KIF20B: variants seen among roughly 807,000 people sequenced by gnomAD.
KIF20B encodes kinesin family member 20B.
KIF20B carries 188 observed loss-of-function variants against 232.5 expected under a neutral mutation model. The observed-to-expected ratio is 0.81, with a 90% confidence interval of 0.72 to 0.91. The LOEUF (loss-of-function observed/expected upper bound fraction) is 0.91. Among genes scored for constraint, KIF20B ranks in the 40% least tolerant of loss-of-function variants. The pLI, the probability that KIF20B is intolerant of heterozygous loss-of-function variation, is 0.00. For synonymous variants in KIF20B, 712 were observed against 683.0 expected (o/e 1.04, Z -0.66); for missense variants, 2,154 against 2,055.9 (o/e 1.05, Z -0.92).
intron 21 of KIF20B, among the ~76,000 whole-genome samples, chr10:89,742,370 G>A (rs1841817841): frequency 6.6e-6 from 1 of 152,120 alleles, no homozygotes; most frequent in Non-Finnish European, 1.5e-5. Flanking sequence ...CTGTGGATAA[G>A]GGGGAACTTG....
intron 25 of KIF20B, among the ~76,000 whole-genome samples, chr10:89,753,164 T>C (rs1017243227): frequency 6.6e-6 from 1 of 152,222 alleles, no homozygotes; most frequent in Non-Finnish European, 1.5e-5. Flanking sequence ...TGTGTTTTTT[T>C]CTTGTTCAGC....
At chr10:89,740,223 A>G (rs1841765280) in intron 21 of KIF20B, among the ~76,000 whole-genome samples, 1 of 125,608 alleles carries the variant, frequency 8.0e-6, no homozygotes, top group Non-Finnish European at 1.6e-5. Flanking sequence ...GTTCATTTTA[A>G]TTGTGCTGTC....
chr10:89,756,950 G>C (rs1842131081), intron 26 of KIF20B, among the ~76,000 whole-genome samples: 1 of 150,510 alleles, frequency 6.6e-6, no homozygotes, highest in Non-Finnish European at 1.5e-5. Flanking sequence ...TTCTGGTTTT[G>C]GCTGTTATGA....
At position 89,774,686 on chromosome 10, in the gene KIF20B, T is replaced by C. The variant is rs1299412473; in HGVS notation, c.*638T>C. On this transcript the variant is annotated 3_prime_UTR_variant, in exon 33 of 33. Coordinates refer to ENST00000371728, the MANE Select transcript of KIF20B (RefSeq NM_001284259.2). ...CATTTTTCCTTTGAATTACAGATAA[T>C]CCAATTACATTCTTTAGATCATTTA... 1 of 152,000 alleles carries C rather than the reference T, an allele frequency of 6.6e-6. No individual in the cohort carries two copies. The highest frequency in any genetic ancestry group is 1.9e-4 in the East Asian group (1 of 5,184). 9.4% of individuals were successfully genotyped at this position (152,000 alleles called of 1,614,324 possible). A position where few individuals can be genotyped will look rare whatever the true frequency, so the allele number is the denominator to read the frequency against.
rs1843148099 is a variant in KIF20B at position 89,725,000 on chromosome 10, GATTA to G, written c.1863-16_1863-13del. On this transcript the variant is annotated splice_polypyrimidine_tract_variant and intron_variant, in intron 14 of 32. Coordinates refer to ENST00000371728, the MANE Select transcript of KIF20B (RefSeq NM_001284259.2). ...TAGTTCGTTTTCTGTTTCTTAATGG[GATTA>G]ATTTGTATTTTGAAGGGAGACTCTG... 1.2e-6 allele frequency: 2 copies of G among 1,607,970 alleles called. No individual in the cohort carries two copies. The highest frequency in any genetic ancestry group is 8.5e-7 in the Non-Finnish European group (1 of 1,176,300).
chr10:89,759,904 C>T (rs951378447), intron 27 of KIF20B, among the ~76,000 whole-genome samples: 2 of 152,060 alleles, frequency 1.3e-5, no homozygotes, highest in Admixed American at 6.6e-5. Context: ...GTCTGTGTTA[C>T]AGTTTATTAA....
chr10:89,770,830 C>T (rs1842447609), intron 31 of KIF20B, among the ~76,000 whole-genome samples: 1 of 151,988 alleles, frequency 6.6e-6, no homozygotes, highest in Non-Finnish European at 1.5e-5. Flanking sequence ...TGTCATCTCC[C>T]ATCCATTCAT....
intron 21 of KIF20B, among the ~76,000 whole-genome samples, chr10:89,739,650 G>T (rs1841749573): frequency 7.0e-6 from 1 of 142,772 alleles, no homozygotes; most frequent in South Asian, 2.3e-4. Flanking sequence ...CTTCTCTAAA[G>T]ATTGGAGCAC....
intron 23 of KIF20B, among the ~76,000 whole-genome samples, chr10:89,748,703 C>T (rs1331002521): frequency 6.6e-6 from 1 of 152,076 alleles, no homozygotes; most frequent in Non-Finnish European, 1.5e-5. Flanking sequence ...TACTTTGGCT[C>T]CTTTGTCCCT....
intron 29 of KIF20B, among the ~76,000 whole-genome samples, chr10:89,768,060 C>A (rs1240001879): frequency 6.6e-6 from 1 of 151,994 alleles, no homozygotes; most frequent in South Asian, 2.1e-4. Flanking sequence ...GGATGTTTAA[C>A]AGCATTCCTG....
chr10:89,723,969 G>T lies in KIF20B; in HGVS notation c.1728G>T (p.Leu576=). Reference sequence around the variant, plus strand: ...TTATCATTTACATGTAATAGAAACTGTTGGACTTAATAGAAGACTTGAAAA... The same window carrying T: ...TTATCATTTACATGTAATAGAAACTTTTGGACTTAATAGAAGACTTGAAAA... ...AFISHEEKRK[L]LDLIEDLKKK... The change falls in exon 14 of 33, where the codon CTG becomes CTT. Residue 576 remains leucine, a synonymous_variant. Transcript: ENST00000371728. 6.5e-7 allele frequency: 1 copy of T among 1,536,866 alleles called. No homozygotes were observed. Among genetic ancestry groups the T allele is most frequent in the Non-Finnish European group, 8.8e-7 (1 of 1,139,536 alleles).
At chr10:89,704,043 G>A (rs912035456) in intron 1 of KIF20B, among the ~76,000 whole-genome samples, 28 of 152,080 alleles carry the variant, frequency 1.8e-4, no homozygotes, top group Admixed American at 1.7e-3. Flanking sequence ...GAGCCACTGC[G>A]CCCGGCCGTA....
In KIF20B at chr10:89,729,192, C is replaced by T; in HGVS notation, c.2336C>T (p.Thr779Ile). ...AATATAATTGATCAAAAAGAAGATA[C>T]TATCAACGAATTTCAGAACCTAAAG... ...LINIIDQKED[T>I]INEFQNLKSH... Residue 779 changes from threonine (T) to isoleucine (I), a missense_variant, in exon 18 of 33, where the codon ACT (threonine) becomes ATT (isoleucine). Coordinates refer to ENST00000371728, the MANE Select transcript of KIF20B (RefSeq NM_001284259.2). 1 of 1,485,908 alleles carries T rather than the reference C, an allele frequency of 6.7e-7. No individual in the cohort carries two copies. The highest frequency in any genetic ancestry group is 9.0e-7 in the Non-Finnish European group (1 of 1,105,160). The allele number at this position is 1,485,908 out of a possible 1,614,324, so 92.0% of individuals were successfully genotyped here. A position where few individuals can be genotyped will look rare whatever the true frequency, so the allele number is the denominator to read the frequency against.
chr10:89,757,980 C>T (rs560214757), intron 26 of KIF20B, among the ~76,000 whole-genome samples: 1 of 151,880 alleles, frequency 6.6e-6, no homozygotes, highest in East Asian at 1.9e-4. Context: ...ATTTCTCTGT[C>T]TTTACATGCT....
At chr10:89,770,775 G>A (rs1389951062) in intron 31 of KIF20B, among the ~76,000 whole-genome samples, 1 of 151,988 alleles carries the variant, frequency 6.6e-6, no homozygotes, top group East Asian at 1.9e-4. Context: ...GATAACCACT[G>A]TTAATCCATC....
chr10:89,714,967 A>G lies in KIF20B; in HGVS notation c.725A>G (p.Asn242Ser). The G allele has an allele frequency of 6.4e-7, 1 of 1,558,204 alleles. No individual in the cohort carries two copies. The highest frequency in any genetic ancestry group is 8.7e-7 in the Non-Finnish European group (1 of 1,149,610). ...SDDTLYGSLT[N>S]SLNISEFEES... The stretch of plus-strand genomic sequence containing the variant: ...CTTTTTTTTGTAGGAAGTTTAACTA[A>G]CTCTTTGAATATCTCAGAGTTTGAA... Residue 242 changes from asparagine (N) to serine (S), a missense_variant, in exon 8 of 33, where the codon AAC (asparagine) becomes AGC (serine). By Grantham distance (46) the Asn-to-Ser change is conservative. Transcript: ENST00000371728.
At position 89,709,348 on chromosome 10, in the gene KIF20B, T is replaced by C. The variant is rs1842790890; in HGVS notation, c.238T>C (p.Cys80Arg). ...TTATTGGGGGTATGTTTTCTAGGGC[T>C]GTGTGCATATTCTGGATTCACAGAC... ...QSEKELESEG[C>R]VHILDSQTVV... is the part of the protein sequence containing the mutation. The change falls in exon 4 of 33, where the codon TGT becomes CGT. Residue 80 changes from cysteine (C) to arginine (R), a missense_variant. Transcript: ENST00000371728. The C allele has an allele frequency of 6.2e-7, 1 of 1,611,656 alleles. No individual in the cohort carries two copies. The highest frequency in any genetic ancestry group is 8.5e-7 in the Non-Finnish European group (1 of 1,178,310).
At chr10:89,725,630 G>A (rs941942070) in intron 15 of KIF20B, among the ~76,000 whole-genome samples, 2 of 152,092 alleles carry the variant, frequency 1.3e-5, no homozygotes, top group African/African-American at 4.8e-5. Context: ...TTTAGAGTTA[G>A]GGTCTTGCCG....
intron 9 of KIF20B, among the ~76,000 whole-genome samples, 189 bp from the exon 10 acceptor site, chr10:89,717,235 A>T (rs1452837833): frequency 6.6e-6 from 1 of 152,194 alleles, no homozygotes; most frequent in Non-Finnish European, 1.5e-5. Flanking sequence ...GCAAAAGGTG[A>T]TTTTAGGCAT....
Sources: gnomAD v4.1 joint callset for allele counts (sites outside exome capture counted in the v4.1 genomes callset) on GRCh38, gnomAD v4.1.1 for gene constraint, MANE v1.5 for transcripts, NCBI Gene and HGNC (gene_info 2026-07-23, HGNC 2026-07-21) for gene names.